The following GALNTL6 variants were observed in gnomAD, a reference collection of about 807,000 sequenced individuals.
GALNTL6 encodes the protein polypeptide N-acetylgalactosaminyltransferase-like 6.
Under a neutral mutation model 73.7 loss-of-function variants are expected in GALNTL6, and 46 were observed. That is an observed-to-expected ratio of 0.62 (90% CI 0.49 to 0.80). The LOEUF (loss-of-function observed/expected upper bound fraction) is 0.80, where lower values mean the gene tolerates loss of function less well. GALNTL6 is among the 30% of genes least tolerant of loss of function. GALNTL6 has a pLI of 0.00. For synonymous variants in GALNTL6, 259 were observed against 263.7 expected, an observed-to-expected ratio of 0.98 and a Z score of 0.17; for missense variants, 604 against 755.0, an observed-to-expected ratio of 0.80 and a Z score of 2.34.
intron 5 of GALNTL6, among the ~76,000 whole-genome samples, chr4:172,615,580 A>G (rs933388343): frequency 2.8e-4 from 42 of 152,310 alleles, no homozygotes; most frequent in African/African-American, 9.9e-4. Flanking sequence ...AGTGAAAGCA[A>G]TGAGCTTCAT....
intron 3 of GALNTL6, among the ~76,000 whole-genome samples, chr4:172,249,752 G>A (rs1008703227): frequency 5.9e-5 from 9 of 152,194 alleles, no homozygotes; most frequent in African/African-American, 1.7e-4. Flanking sequence ...TCCAGGTCGT[G>A]TAGGTCCTGT....
chr4:172,161,539 A>G (rs1365404121), intron 2 of GALNTL6, among the ~76,000 whole-genome samples: 5 of 152,080 alleles, frequency 3.3e-5, no homozygotes, highest in African/African-American at 1.2e-4. Context: ...AACATCATTC[A>G]ATGAGAATAA....
chr4:172,443,121 CAT>C (rs4048464), intron 5 of GALNTL6, among the ~76,000 whole-genome samples: 4,761 of 51,724 alleles, frequency 0.092, 67 homozygotes, highest in Middle Eastern at 0.14. Flanking sequence ...GATCCATATA[CAT>C]ATATATATAT....
chr4:172,665,900 C>T (rs1731635886), intron 5 of GALNTL6, among the ~76,000 whole-genome samples: 1 of 152,096 alleles, frequency 6.6e-6, no homozygotes. Context: ...TGCCTGTACC[C>T]TTTCACCTCC....
At chr4:172,954,277 T>C (rs1363028326) in intron 10 of GALNTL6, among the ~76,000 whole-genome samples, 1 of 152,174 alleles carries the variant, frequency 6.6e-6, no homozygotes. Context: ...AATCTTCCAC[T>C]CAGTTTCTAG....
chr4:172,557,093 T>C (rs565797819), intron 5 of GALNTL6, among the ~76,000 whole-genome samples: 1 of 152,282 alleles, frequency 6.6e-6, no homozygotes, highest in Admixed American at 6.5e-5. Flanking sequence ...CAAAAACTTA[T>C]GTAACCCTTT....
chr4:172,996,140 G>A (rs1369200461), intron 10 of GALNTL6, among the ~76,000 whole-genome samples: 1 of 151,528 alleles, frequency 6.6e-6, no homozygotes, highest in Non-Finnish European at 1.5e-5. Context: ...GTCCATCAGT[G>A]ACAGATTGGA....
chr4:172,952,127 GA>G lies in GALNTL6; in HGVS notation c.1241del (p.Asp414AlafsTer65). ...GGAGTACAGGCATCTCTCCACGGGG[GA>G]CATCTCTGCCCAGAAGGAGCTGCGC... is the stretch of plus-strand genomic sequence containing the variant. ...RPEYRHLSTG[D>X]ISAQKELRKQ... On this transcript the variant is annotated frameshift_variant, in exon 10 of 13. Coordinates refer to ENST00000506823, the MANE Select transcript of GALNTL6 (RefSeq NM_001034845.3). LOFTEE classifies it high-confidence loss of function. The G allele has an allele frequency of 6.2e-7, 1 of 1,614,094 alleles. No individual in the cohort carries two copies. The highest frequency in any genetic ancestry group is 8.5e-7 in the Non-Finnish European group (1 of 1,179,984).
chr4:172,953,298 A>G (rs1749550602), intron 10 of GALNTL6, among the ~76,000 whole-genome samples: 1 of 152,244 alleles, frequency 6.6e-6, no homozygotes. Context: ...GTGCTAAAGC[A>G]GGACTAAAAT....
intron 2 of GALNTL6, among the ~76,000 whole-genome samples, chr4:172,114,968 A>G (rs974967783): frequency 6.6e-6 from 1 of 152,106 alleles, no homozygotes; most frequent in African/African-American, 2.4e-5. Flanking sequence ...CTAAAAAAAG[A>G]AAAGCACACA....
chr4:172,100,008 A>C (rs1732468181), intron 2 of GALNTL6, among the ~76,000 whole-genome samples: 1 of 152,162 alleles, frequency 6.6e-6, no homozygotes, highest in African/African-American at 2.4e-5. Flanking sequence ...CAGTAACATT[A>C]CAGGCACACA....
chr4:172,873,530 A>G (rs1376863779), intron 7 of GALNTL6, among the ~76,000 whole-genome samples: 2 of 152,216 alleles, frequency 1.3e-5, no homozygotes, highest in African/African-American at 4.8e-5. Flanking sequence ...AAACAGTTTA[A>G]GATCTTGTGA....
rs920329549 is a variant in GALNTL6 at position 172,296,579 on chromosome 4, T to G, written c.248-15035T>G. ...TTCCTGTGTCCATGTGTTCTCATTG[T>G]TCAGTTCCCACCTATGAGTGAGAAC... is the stretch of plus-strand genomic sequence containing the variant. On this transcript the variant is annotated intron_variant, in intron 3 of 12. Coordinates refer to ENST00000506823, the MANE Select transcript of GALNTL6 (RefSeq NM_001034845.3). 7.2e-5 allele frequency among the ~76,000 whole-genome samples: 11 copies of G among 152,182 alleles called. No homozygotes were observed. In the East Asian group the frequency reaches 1.9e-3, roughly 27 times the overall value.
chr4:172,427,909 ACTGT>A (rs968165831), intron 5 of GALNTL6, among the ~76,000 whole-genome samples: 10 of 152,206 alleles, frequency 6.6e-5, no homozygotes, highest in Non-Finnish European at 1.2e-4. Context: ...AAGATATTTT[ACTGT>A]CTATCAATAA....
intron 5 of GALNTL6, among the ~76,000 whole-genome samples, chr4:172,718,699 C>T (rs1417247530): frequency 6.6e-6 from 1 of 151,450 alleles, no homozygotes; most frequent in Non-Finnish European, 1.5e-5. Flanking sequence ...AAAAGAATCC[C>T]ATATTTGGTT....
In GALNTL6 at chr4:172,572,003, C is replaced by A. The variant is rs562172141; in HGVS notation, c.553+223314C>A. On this transcript the variant is annotated intron_variant, in intron 5 of 12. Coordinates refer to ENST00000506823, the MANE Select transcript of GALNTL6 (RefSeq NM_001034845.3). The stretch of plus-strand genomic sequence containing the variant: ...TGTCAAATTTTCTATGTACAGTAAT[C>A]CTGTTCTACAAAATATTGGCCATAT... Among the ~76,000 whole-genome samples, 13 of 152,246 alleles carry A rather than the reference C, an allele frequency of 8.5e-5. No homozygotes were observed. The South Asian group carries it at 1.5e-3, about 17-fold the overall frequency.
At position 172,811,251 on chromosome 4, in the gene GALNTL6, C is replaced by T. The variant is rs541474409; in HGVS notation, c.739+1705C>T. 2.6e-5 allele frequency among the ~76,000 whole-genome samples: 4 copies of T among 152,302 alleles called. No individual in the cohort carries two copies. In the South Asian group the frequency reaches 8.3e-4, roughly 32 times the overall value. On this transcript the variant is annotated intron_variant, in intron 6 of 12. Transcript: ENST00000506823. ...ATCCCTGGAAATTGAAATGTAGGCACAAGCCTTGGATGAAAAATTAGTCAT... is the reference window on the plus strand; with the variant it reads ...ATCCCTGGAAATTGAAATGTAGGCATAAGCCTTGGATGAAAAATTAGTCAT...
At chr4:172,372,716 C>T (rs1561051720) in intron 5 of GALNTL6, among the ~76,000 whole-genome samples, 1 of 152,170 alleles carries the variant, frequency 6.6e-6, no homozygotes, top group Non-Finnish European at 1.5e-5. Context: ...AAGGCTGTTT[C>T]TGCCTCTGGT....
At position 172,426,251 on chromosome 4, in the gene GALNTL6, T is replaced by C. The variant is rs113567436; in HGVS notation, c.553+77562T>C. Among the ~76,000 whole-genome samples the C allele has an allele frequency of 4.9e-3, 743 of 152,276 alleles. 4 individuals are homozygous for C. Among genetic ancestry groups the C allele is most frequent in the Non-Finnish European group, 8.3e-3 (566 of 68,010 alleles). Reference sequence around the variant, plus strand: ...TTACTAGAAATGTGATGAAGCTTCTTTGAGATATATTTAGCTATTCAATGA... The same window carrying C: ...TTACTAGAAATGTGATGAAGCTTCTCTGAGATATATTTAGCTATTCAATGA... On this transcript the variant is annotated intron_variant, in intron 5 of 12. Transcript: ENST00000506823.
Sources: allele counts gnomAD v4.1 joint callset (sites outside exome capture counted in the v4.1 genomes callset), GRCh38; gene constraint gnomAD v4.1.1; transcripts MANE v1.5; gene names NCBI Gene and HGNC (gene_info 2026-07-23, HGNC 2026-07-21).